The following KAT6A variants were observed in gnomAD, a reference collection of about 807,000 sequenced individuals.
KAT6A encodes the protein histone acetyltransferase KAT6A.
A neutral mutation model predicts 198.4 loss-of-function variants in KAT6A; 9 were observed. That is an observed-to-expected ratio of 0.05 (90% CI 0.03 to 0.08). The LOEUF (loss-of-function observed/expected upper bound fraction) is 0.08, where lower values mean the gene tolerates loss of function less well. KAT6A is among the 10% of genes least tolerant of loss of function. KAT6A has a pLI of 1.00. For missense variants in KAT6A, 2,077 were observed against 2,509.9 expected, an observed-to-expected ratio of 0.83 and a Z score of 3.69; for synonymous variants, 890 against 883.0, an observed-to-expected ratio of 1.01 and a Z score of -0.14.
At chr8:42,012,700 C>T (rs1385390748) in intron 2 of KAT6A, among the ~76,000 whole-genome samples, 4 of 152,176 alleles carry the variant, frequency 2.6e-5, no homozygotes, top group Admixed American at 6.5e-5. Flanking sequence ...TATCCAGTTT[C>T]GCAATTTTTT....
chr8:42,000,773 A>C (rs1366245315), intron 2 of KAT6A, among the ~76,000 whole-genome samples: 1 of 152,198 alleles, frequency 6.6e-6, no homozygotes, highest in African/African-American at 2.4e-5. Context: ...AGGTTCTGCT[A>C]TCAGAATCAT....
At chr8:42,039,274 A>G (rs767974754) in intron 2 of KAT6A, among the ~76,000 whole-genome samples, 7 of 152,218 alleles carry the variant, frequency 4.6e-5, no homozygotes, top group Non-Finnish European at 7.3e-5. Context: ...ATTCCTATAC[A>G]TAAATCAGAG....
intron 2 of KAT6A, among the ~76,000 whole-genome samples, chr8:41,995,924 C>A (rs1007956358): frequency 6.6e-6 from 1 of 152,128 alleles, no homozygotes; most frequent in Non-Finnish European, 1.5e-5. Flanking sequence ...GATTCACCCA[C>A]CTTGGCCTCC....
At chr8:42,048,092 T>A (rs940631563) in intron 2 of KAT6A, among the ~76,000 whole-genome samples, 3 of 151,944 alleles carry the variant, frequency 2.0e-5, no homozygotes, top group Admixed American at 6.6e-5. Context: ...TAAAAAAAAA[T>A]TTAAAAAAAA....
At chr8:42,051,450 G>A (rs900069961) in intron 1 of KAT6A, among the ~76,000 whole-genome samples, 10 of 149,380 alleles carry the variant, frequency 6.7e-5, no homozygotes, top group African/African-American at 2.4e-4. Flanking sequence ...GCGGGGAGAA[G>A]CGGCCCGGCC....
Position 41,934,661 on chromosome 8 carries a change from A to G in KAT6A, c.3559T>C (p.Cys1187Arg). 6.2e-7 allele frequency: 1 copy of G among 1,614,176 alleles called. No individual in the cohort carries two copies. Among genetic ancestry groups the G allele is most frequent in the Non-Finnish European group, 8.5e-7 (1 of 1,180,038 alleles). Residue 1187 changes from cysteine (C) to arginine (R), a missense_variant, in exon 17 of 17, where the codon TGC becomes CGC. Physicochemically the swap from Cys to Arg is radical, Grantham distance 180 (BLOSUM62 -3). Transcript: ENST00000265713. ...REIMPVSTQA[C>R]VIEPIVSIPK... The stretch of plus-strand genomic sequence containing the variant: ...ATGGAAACGATGGGCTCAATGACGC[A>G]TGCTTGAGTAGAAACTGGCATGATT...
chr8:42,033,930 G>T (rs1002012249), intron 2 of KAT6A, among the ~76,000 whole-genome samples: 4 of 152,060 alleles, frequency 2.6e-5, no homozygotes, highest in Non-Finnish European at 5.9e-5. Flanking sequence ...TAGGAGACAG[G>T]CTAAAAAAGT....
intron 8 of KAT6A, among the ~76,000 whole-genome samples, chr8:41,958,881 C>T (rs1026886534): frequency 1.3e-5 from 2 of 152,072 alleles, no homozygotes; most frequent in Non-Finnish European, 2.9e-5. Context: ...TAGAAAAGGC[C>T]GGGCGTGGTG....
chr8:42,027,692 G>A (rs1479299529), intron 2 of KAT6A, among the ~76,000 whole-genome samples: 1 of 151,546 alleles, frequency 6.6e-6, no homozygotes, highest in African/African-American at 2.4e-5. Context: ...TTCTTGGTTT[G>A]CCTCGCTAGC....
In KAT6A at chr8:41,978,727, G is replaced by A. The variant is rs1175748950; in HGVS notation, c.958C>T (p.Leu320=). ...TTTATCTGTGCTGCCTTCTTTTGTAGAAGTTTTCGTCCTTTTTTCCTAGGT... is the reference window on the plus strand; with the variant it reads ...TTTATCTGTGCTGCCTTCTTTTGTAAAAGTTTTCGTCCTTTTTTCCTAGGT... ...CRPRKKGRKL[L]QKKAAQIKRR... is the part of the protein sequence containing the mutation. The change falls in exon 6 of 17, where the codon CTA becomes TTA. Residue 320 remains leucine (L), a synonymous_variant. Coordinates refer to ENST00000265713, the MANE Select transcript of KAT6A (RefSeq NM_006766.5). 1 of 1,613,578 alleles carries A rather than the reference G, an allele frequency of 6.2e-7. No homozygotes were observed. The highest frequency in any genetic ancestry group is 1.1e-5 in the South Asian group (1 of 91,076).
At chr8:42,006,762 G>A (rs1467365728) in intron 2 of KAT6A, among the ~76,000 whole-genome samples, 5 of 152,062 alleles carry the variant, frequency 3.3e-5, no homozygotes, top group African/African-American at 7.2e-5. Flanking sequence ...TTAGGAGGCC[G>A]AGGTGGGCGG....
intron 7 of KAT6A, 67 bp downstream of exon 7, chr8:41,976,937 ATAAT>A (rs1824082547): frequency 1.7e-6 from 2 of 1,212,006 alleles, no homozygotes; most frequent in East Asian, 4.7e-5. Context: ...TCCATTATAG[ATAAT>A]TAGTGTTATC....
intron 2 of KAT6A, among the ~76,000 whole-genome samples, chr8:41,999,707 G>A (rs1051220792): frequency 2.6e-5 from 4 of 151,762 alleles, no homozygotes; most frequent in South Asian, 2.1e-4. Context: ...CATACTTTAC[G>A]CTCATTCTCC....
chr8:41,980,276 C>A (rs569304113), intron 5 of KAT6A, among the ~76,000 whole-genome samples: 1 of 151,986 alleles, frequency 6.6e-6, no homozygotes, highest in South Asian at 2.1e-4. Flanking sequence ...TCTCAATGAA[C>A]AGGAATCAAA....
intron 2 of KAT6A, among the ~76,000 whole-genome samples, chr8:42,020,538 C>A (rs1185899741): frequency 6.6e-6 from 1 of 152,168 alleles, no homozygotes; most frequent in Non-Finnish European, 1.5e-5. Context: ...ACTATCTACC[C>A]AGCATCCCTA....
chr8:41,939,013 G>A (rs1460925201), intron 15 of KAT6A, among the ~76,000 whole-genome samples: 1 of 149,018 alleles, frequency 6.7e-6, no homozygotes, highest in Non-Finnish European at 1.5e-5. Context: ...AAAAGAAGGA[G>A]CTTCTAATGG....
chr8:42,051,350 C>G (rs1210899196), intron 1 of KAT6A, among the ~76,000 whole-genome samples: 1 of 151,948 alleles, frequency 6.6e-6, no homozygotes, highest in Admixed American at 6.6e-5. Flanking sequence ...CGCTCGCCGC[C>G]TCAGCCCCGC....
chr8:41,966,224 G>A (rs1446285952), intron 8 of KAT6A, among the ~76,000 whole-genome samples: 3 of 151,982 alleles, frequency 2.0e-5, no homozygotes, highest in East Asian at 1.9e-4. Flanking sequence ...CAGATAATAC[G>A]TCTTTGCCCT....
chr8:41,940,005 G>A (rs1337231248), intron 15 of KAT6A, among the ~76,000 whole-genome samples: 2 of 152,302 alleles, frequency 1.3e-5, no homozygotes, highest in African/African-American at 4.8e-5. Context: ...CTGCTCTGAA[G>A]ATATTATTCT....
Sources: gnomAD v4.1 joint callset for allele counts (sites outside exome capture counted in the v4.1 genomes callset) on GRCh38, gnomAD v4.1.1 for gene constraint, MANE v1.5 for transcripts, NCBI Gene and HGNC (gene_info 2026-07-23, HGNC 2026-07-21) for gene names.